The following OPRM1 variants were observed in gnomAD, a reference collection of about 807,000 sequenced individuals.
OPRM1 encodes mu-type opioid receptor.
A neutral mutation model predicts 31.8 loss-of-function variants in OPRM1; 27 were observed. The ratio of observed to expected loss-of-function variants is 0.85; its 90% CI spans 0.63 to 1.17. OPRM1 has a LOEUF of 1.17. Ranked by LOEUF, OPRM1 falls within the 50% of genes most tolerant of loss-of-function variation. The probability of loss-of-function intolerance (pLI) is 0.00; values close to 1 mark genes in which losing one functional copy is unlikely to be tolerated. For synonymous variants in OPRM1, 196 were observed against 189.9 expected (o/e 1.03, Z -0.26); for missense variants, 536 against 511.1 (o/e 1.05, Z -0.47).
intron 1 of OPRM1, among the ~76,000 whole-genome samples, chr6:154,028,409 T>G (rs1778823747): frequency 6.6e-6 from 1 of 152,152 alleles, no homozygotes; most frequent in Non-Finnish European, 1.5e-5. Flanking sequence ...AAAAGGGATC[T>G]CTCTTGGAAC....
chr6:154,198,631 TACAC>T (rs3070838), intron 3 of OPRM1, among the ~76,000 whole-genome samples: 11,933 of 146,724 alleles, frequency 0.081, 537 homozygotes, highest in African/African-American at 0.11. Context: ...AAATATTACA[TACAC>T]ACACACACAC....
intron 3 of OPRM1, among the ~76,000 whole-genome samples, chr6:154,103,430 A>G (rs1795151136): frequency 6.6e-6 from 1 of 152,208 alleles, no homozygotes; most frequent in Non-Finnish European, 1.5e-5. Context: ...ACATTACTGG[A>G]CCCGGAAATT....
At chr6:154,027,926 C>G (rs1043583488) in intron 1 of OPRM1, among the ~76,000 whole-genome samples, 9 of 152,154 alleles carry the variant, frequency 5.9e-5, no homozygotes, top group Admixed American at 5.2e-4. Context: ...ATGCAAAAGC[C>G]AAGTCCTAGA....
intron 1 of OPRM1, among the ~76,000 whole-genome samples, chr6:154,089,009 G>T (rs1562451372): frequency 6.6e-6 from 1 of 152,124 alleles, no homozygotes; most frequent in African/African-American, 2.4e-5. Context: ...CTTCCAGGAT[G>T]CCTTCCACAT....
rs1797835399 is a variant in OPRM1 at position 154,130,506 on chromosome 6, A to T, written c.*11785A>T. ...ATTTCATAAATCTTGAATCCATAAA[A>T]TTCAATGCTACCATTTATAATTTAA... On this transcript the variant is annotated 3_prime_UTR_variant, in exon 4 of 4. Transcript: ENST00000330432. Among the ~76,000 whole-genome samples the T allele has an allele frequency of 6.6e-6, 1 of 152,088 alleles. No homozygotes were observed. The highest frequency in any genetic ancestry group is 2.4e-5 in the African/African-American group (1 of 41,430).
At chr6:154,032,336 T>G (rs148682136) in intron 1 of OPRM1, among the ~76,000 whole-genome samples, 59 of 152,280 alleles carry the variant, frequency 3.9e-4, no homozygotes, top group African/African-American at 1.3e-3. Context: ...AATGAAAAAA[T>G]CAGGCCATCA....
intron 1 of OPRM1, among the ~76,000 whole-genome samples, chr6:154,025,380 T>C (rs1583140351): frequency 6.6e-6 from 1 of 152,086 alleles, no homozygotes; most frequent in East Asian, 1.9e-4. Context: ...ATGGAATATC[T>C]TTTTCTATCT....
At chr6:154,197,836 TG>T (rs1776739061) in intron 3 of OPRM1, among the ~76,000 whole-genome samples, 1 of 152,196 alleles carries the variant, frequency 6.6e-6, no homozygotes, top group South Asian at 2.1e-4. Context: ...GGTGTGTGTG[TG>T]TGTTTGAAAT....
At chr6:154,159,008 G>A (rs1277937072) in intron 3 of OPRM1, 2 of 152,154 alleles carry the variant, frequency 1.3e-5, no homozygotes, top group Admixed American at 6.5e-5. Context: ...TTCACACTAT[G>A]TATAGGGATC....
Position 154,090,047 on chromosome 6 carries a change from T to C in OPRM1, c.512T>C (p.Val171Ala), listed in dbSNP as rs377409045. The change falls in exon 2 of 4, where the codon GTC becomes GCC. Residue 171 changes from valine (V) to alanine (A), a missense_variant. Coordinates refer to ENST00000330432, the MANE Select transcript of OPRM1 (RefSeq NM_000914.5). The stretch of plus-strand genomic sequence containing the variant: ...ATGAGTGTTGATCGATACATTGCAG[T>C]CTGCCACCCTGTCAAGGCCTTAGAT... Reference protein sequence around the residue: ...CTMSVDRYIAVCHPVKALDFR... With the variant: ...CTMSVDRYIAACHPVKALDFR... 1 of 1,613,918 alleles carries C rather than the reference T, an allele frequency of 6.2e-7. No individual in the cohort carries two copies. Among genetic ancestry groups the C allele is most frequent in the African/African-American group, 1.3e-5 (1 of 74,910 alleles).
At chr6:154,149,435 TG>T (rs1322310429) in intron 3 of OPRM1, among the ~76,000 whole-genome samples, 2 of 152,148 alleles carry the variant, frequency 1.3e-5, no homozygotes, top group African/African-American at 4.8e-5. Context: ...AGATGAGATC[TG>T]GGTAGGGACT....
At chr6:154,188,589 A>T (rs1286673715) in intron 3 of OPRM1, among the ~76,000 whole-genome samples, 2 of 152,194 alleles carry the variant, frequency 1.3e-5, no homozygotes, top group East Asian at 3.8e-4. Context: ...AAACACCCTT[A>T]AAAAAAGAAC....
chr6:154,017,949 A>G (rs548996848), intron 1 of OPRM1, among the ~76,000 whole-genome samples: 2 of 152,342 alleles, frequency 1.3e-5, no homozygotes, highest in East Asian at 1.9e-4. Flanking sequence ...GTACGTATTC[A>G]TGATCACACA....
intron 3 of OPRM1, among the ~76,000 whole-genome samples, chr6:154,243,141 G>A (rs995845684): frequency 6.6e-6 from 1 of 152,182 alleles, no homozygotes; most frequent in African/African-American, 2.4e-5. Context: ...ATTGAAAGAA[G>A]TGCCATCTTT....
intron 3 of OPRM1, among the ~76,000 whole-genome samples, chr6:154,167,469 T>TA (rs1249430008): frequency 6.6e-6 from 1 of 152,170 alleles, no homozygotes; most frequent in East Asian, 1.9e-4. Flanking sequence ...AATCAAGACA[T>TA]TTCCTTCTGG....
chr6:154,172,671 G>A (rs191554509), intron 3 of OPRM1, among the ~76,000 whole-genome samples: 39 of 152,352 alleles, frequency 2.6e-4, no homozygotes, highest in African/African-American at 8.2e-4. Flanking sequence ...CGAACTGGGC[G>A]GAGCCCACTG....
chr6:154,134,457 C>G (rs1171956561), downstream of OPRM1, among the ~76,000 whole-genome samples: 1 of 152,170 alleles, frequency 6.6e-6, no homozygotes, highest in Non-Finnish European at 1.5e-5. Context: ...CAAGAAGAGA[C>G]CAGCAGATAC....
chr6:154,235,553 T>C (rs961491159), intron 3 of OPRM1, among the ~76,000 whole-genome samples: 5 of 120,578 alleles, frequency 4.1e-5, no homozygotes, highest in African/African-American at 1.7e-4. Context: ...AAAAAAAAAG[T>C]AATGAAGACA....
At chr6:154,073,061 G>C (rs891438834) in intron 1 of OPRM1, among the ~76,000 whole-genome samples, 4 of 152,194 alleles carry the variant, frequency 2.6e-5, no homozygotes, top group Non-Finnish European at 5.9e-5. Flanking sequence ...TAATGGAACT[G>C]AGAGAAATCA....
Sources: gnomAD v4.1 joint callset for allele counts (sites outside exome capture counted in the v4.1 genomes callset) on GRCh38, gnomAD v4.1.1 for gene constraint, MANE v1.5 for transcripts, NCBI Gene and HGNC (gene_info 2026-07-23, HGNC 2026-07-21) for gene names.